TMEM236: variants seen among roughly 807,000 people sequenced by gnomAD.
The protein encoded by TMEM236 is transmembrane protein 236, also known as family with sequence similarity 23, member A.
TMEM236 carries 11 observed loss-of-function variants against 14.7 expected under a neutral mutation model. The observed-to-expected ratio is 0.75, with a 90% CI of 0.47 to 1.24. The LOEUF (loss-of-function observed/expected upper bound fraction) is 1.24, where lower values mean the gene tolerates loss of function less well. Among genes scored for constraint, TMEM236 ranks in the 50% most tolerant of loss-of-function variants. The pLI is 0.00. For missense variants in TMEM236, 464 were observed against 427.3 expected, an observed-to-expected ratio of 1.09 and a Z score of -0.76; for synonymous variants, 182 against 168.6, an observed-to-expected ratio of 1.08 and a Z score of -0.62.
At chr10:17,762,607 A>G (rs1837387250) in intron 1 of TMEM236, among the ~76,000 whole-genome samples, 1 of 79,162 alleles carries the variant, frequency 1.3e-5, no homozygotes, top group African/African-American at 8.6e-5. Flanking sequence ...ATATATATAT[A>G]TATATATATA....
intron 3 of TMEM236, among the ~76,000 whole-genome samples, chr10:17,788,599 A>G (rs1358421541): frequency 4.0e-5 from 6 of 151,506 alleles, no homozygotes; most frequent in African/African-American, 1.5e-4. Flanking sequence ...AAAAAAAAAA[A>G]GAAAAAAAAA....
At chr10:17,787,472 C>G (rs1554835790) in intron 3 of TMEM236, among the ~76,000 whole-genome samples, 2 of 152,218 alleles carry the variant, frequency 1.3e-5, no homozygotes, top group African/African-American at 2.4e-5. Context: ...CAGAGCTCCA[C>G]ATTTTTTACC....
intron 1 of TMEM236, among the ~76,000 whole-genome samples, chr10:17,765,102 G>A (rs900640978): frequency 6.6e-6 from 1 of 152,044 alleles, no homozygotes; most frequent in Non-Finnish European, 1.5e-5. Context: ...TTACAGGCAC[G>A]AGCCACCACG....
chr10:17,768,085 GGTTT>G lies in TMEM236; in HGVS notation c.258-3223_258-3220del, dbSNP rs1274739826. On this transcript the variant is annotated intron_variant, in intron 1 of 3. Coordinates refer to ENST00000377495, the MANE Select transcript of TMEM236 (RefSeq NM_001098844.3). ...ACCACCACACCTCGCTAATTTTTGT[GGTTT>G]TTTTTTTTTTTTTTTTTTTGTAGAG... Among the ~76,000 whole-genome samples, 43 of 98,828 alleles carry G rather than the reference GGTTT, an allele frequency of 4.4e-4. 4 individuals are homozygous for G. The East Asian group carries it at 9.2e-3, about 21-fold the overall frequency. 64.8% of individuals were successfully genotyped at this position (98,828 alleles called of 152,430 possible).
At chr10:17,770,543 C>A (rs1286211391) in intron 1 of TMEM236, among the ~76,000 whole-genome samples, 1 of 152,134 alleles carries the variant, frequency 6.6e-6, no homozygotes, top group Non-Finnish European at 1.5e-5. Flanking sequence ...GCCACCACGC[C>A]CGGCTAATAT....
intron 3 of TMEM236, among the ~76,000 whole-genome samples, chr10:17,789,955 C>T (rs1282910487): frequency 2.0e-5 from 3 of 151,946 alleles, no homozygotes; most frequent in East Asian, 1.9e-4. Flanking sequence ...ACCCGGGAGG[C>T]GGAGCTTGCA....
At chr10:17,768,726 CATGTGT>C (rs1837516879) in intron 1 of TMEM236, among the ~76,000 whole-genome samples, 1 of 122,552 alleles carries the variant, frequency 8.2e-6, no homozygotes, top group African/African-American at 3.2e-5. Context: ...GTATACAACT[CATGTGT>C]GTGTGTGTGT....
At chr10:17,758,973 A>G (rs1488835837) in intron 1 of TMEM236, among the ~76,000 whole-genome samples, 2 of 152,246 alleles carry the variant, frequency 1.3e-5, no homozygotes, top group Non-Finnish European at 2.9e-5. Flanking sequence ...AAGTTGACCA[A>G]GCAGACATAA....
chr10:17,785,191 G>C lies in TMEM236; in HGVS notation c.472+9021G>C, dbSNP rs969870047. On this transcript the variant is annotated intron_variant, in intron 3 of 3. Transcript: ENST00000377495. ...GTCTAAGCTATTGCCATTGAATCGG[G>C]GGCCACTGGTTATCACAAATACAGG... 3.8e-3 allele frequency among the ~76,000 whole-genome samples: 576 copies of C among 152,258 alleles called. 1 individual carries two copies. Among genetic ancestry groups the C allele is most frequent in the African/African-American group, 0.013 (542 of 41,536 alleles).
chr10:17,763,956 G>A (rs1589141115), intron 1 of TMEM236, among the ~76,000 whole-genome samples: 1 of 152,186 alleles, frequency 6.6e-6, no homozygotes, highest in African/African-American at 2.4e-5. Flanking sequence ...GAGGGTTGTT[G>A]TGGGGTTGTC....
At chr10:17,754,450 G>C (rs964754029) in intron 1 of TMEM236, among the ~76,000 whole-genome samples, 24 of 151,948 alleles carry the variant, frequency 1.6e-4, no homozygotes, top group African/African-American at 5.6e-4. Context: ...TCGACCTCCT[G>C]AGTAGCTGGG....
rs534099793 is a variant in TMEM236, at chr10:17,791,155, G to C, written c.473-4766G>C. On this transcript the variant is annotated intron_variant, in intron 3 of 3. Coordinates refer to ENST00000377495, the MANE Select transcript of TMEM236 (RefSeq NM_001098844.3). ...GCCTCAGTTTACTCATCATTAAAATGGGAAAATAGGCTGCATGCAGTGGCC... is the reference window on the plus strand; with the variant it reads ...GCCTCAGTTTACTCATCATTAAAATCGGAAAATAGGCTGCATGCAGTGGCC... Among the ~76,000 whole-genome samples the C allele has an allele frequency of 3.1e-3, 477 of 152,192 alleles. 1 individual carries two copies. Among genetic ancestry groups the C allele is most frequent in the African/African-American group, 0.011 (458 of 41,524 alleles).
chr10:17,796,867 C>CCCGCCTGCATT lies in TMEM236; in HGVS notation c.*370_*380dup. 3.5e-6 allele frequency: 1 copy of CCCGCCTGCATT among 285,210 alleles called. No homozygotes were observed. The highest frequency in any genetic ancestry group is 3.8e-5 in the South Asian group (1 of 26,250). 17.7% of individuals were successfully genotyped at this position (285,210 alleles called of 1,614,324 possible). A position where few individuals can be genotyped will look rare whatever the true frequency, so the allele number is the denominator to read the frequency against. On this transcript the variant is annotated 3_prime_UTR_variant, in exon 4 of 4. Transcript: ENST00000377495. ...CGTGGTGAACCTCAAACTGAGCGTT[C>CCCGCCTGCATT]CCGCCTGCATTCCGCCTCCTGTCAG...
chr10:17,762,616 T>TACACATAC (rs1483138456), intron 1 of TMEM236, among the ~76,000 whole-genome samples: 29 of 54,196 alleles, frequency 5.4e-4, no homozygotes, highest in African/African-American at 2.0e-3. Context: ...TATATATATA[T>TACACATAC]ATACACACAT....
At chr10:17,779,042 G>A (rs1341326120) in intron 3 of TMEM236, among the ~76,000 whole-genome samples, 1 of 152,128 alleles carries the variant, frequency 6.6e-6, no homozygotes, top group Non-Finnish European at 1.5e-5. Flanking sequence ...TCTCACAGAT[G>A]TACGTGGTAC....
chr10:17,752,811 C>T (rs1237463313), intron 1 of TMEM236, among the ~76,000 whole-genome samples: 3 of 152,174 alleles, frequency 2.0e-5, no homozygotes, highest in Non-Finnish European at 4.4e-5. Flanking sequence ...AAGTGATCTG[C>T]CTGCCTCAGC....
At chr10:17,792,718 A>G (rs946441567) in intron 3 of TMEM236, among the ~76,000 whole-genome samples, 2 of 152,282 alleles carry the variant, frequency 1.3e-5, no homozygotes, top group Middle Eastern at 3.4e-3. Flanking sequence ...TACTTTTTAC[A>G]GGGCCATGTG....
rs782744923 is a variant in TMEM236, at chr10:17,786,642, C to T, written c.473-9279C>T. On this transcript the variant is annotated intron_variant, in intron 3 of 3. Coordinates refer to ENST00000377495, the MANE Select transcript of TMEM236 (RefSeq NM_001098844.3). ...TGCTATTTTGGGACCTTAAGTCCTT[C>T]TGTTTCTGGATGTGTGTGCATAGGT... Among the ~76,000 whole-genome samples the T allele has an allele frequency of 1.3e-3, 200 of 152,314 alleles. 1 individual carries two copies. Among genetic ancestry groups the T allele is most frequent in the Admixed American group, 3.3e-3 (51 of 15,298 alleles).
At chr10:17,759,066 C>T (rs995287440) in intron 1 of TMEM236, among the ~76,000 whole-genome samples, 16 of 152,208 alleles carry the variant, frequency 1.1e-4, no homozygotes, top group African/African-American at 2.9e-4. Flanking sequence ...CTTTCCCCTT[C>T]TCTCATTAAC....
Sources: allele counts gnomAD v4.1 joint callset (sites outside exome capture counted in the v4.1 genomes callset), GRCh38; gene constraint gnomAD v4.1.1; transcripts MANE v1.5; gene names NCBI Gene and HGNC (gene_info 2026-07-23, HGNC 2026-07-21).